Variants in MRTFA observed in about 807,000 individuals in gnomAD.
MRTFA encodes the protein myocardin-related transcription factor A.
A neutral mutation model predicts 83.5 loss-of-function variants in MRTFA; 20 were observed. That is an observed-to-expected ratio of 0.24 (90% CI 0.17 to 0.35). The LOEUF (loss-of-function observed/expected upper bound fraction) is 0.35. Among genes scored for constraint, MRTFA ranks in the 10% least tolerant of loss-of-function variants. The pLI is 1.00. For synonymous variants in MRTFA, 659 were observed against 541.2 expected (o/e 1.22, Z -3.02); for missense variants, 1,200 against 1,224.7 (o/e 0.98, Z 0.30).
intron 4 of MRTFA, among the ~76,000 whole-genome samples, chr22:40,459,830 C>CATATATATACATATAT (rs2053673463): frequency 8.1e-5 from 7 of 86,944 alleles, no homozygotes; most frequent in African/African-American, 3.4e-4. Context: ...CACATATATA[C>CATATATATACATATAT]ATATATATAT....
chr22:40,445,996 G>A (rs560376070), intron 4 of MRTFA, among the ~76,000 whole-genome samples: 24 of 152,250 alleles, frequency 1.6e-4, no homozygotes, highest in African/African-American at 5.1e-4. Flanking sequence ...TTCTAAATTT[G>A]CTTCCTCATG....
chr22:40,424,652 C>T (rs1281647743), intron 7 of MRTFA, among the ~76,000 whole-genome samples: 1 of 152,220 alleles, frequency 6.6e-6, no homozygotes, highest in Non-Finnish European at 1.5e-5. Flanking sequence ...TAGCCTCTTG[C>T]TTGTAACTCT....
chr22:40,464,761 T>A (rs1297197195), intron 3 of MRTFA, among the ~76,000 whole-genome samples: 4 of 152,166 alleles, frequency 2.6e-5, no homozygotes, highest in African/African-American at 7.2e-5. Flanking sequence ...TCAAATTCAG[T>A]AGATCCAAAG....
intron 2 of MRTFA, among the ~76,000 whole-genome samples, chr22:40,553,366 C>CA (rs1229849708): frequency 6.6e-6 from 1 of 152,184 alleles, no homozygotes; most frequent in Non-Finnish European, 1.5e-5. Context: ...GCCTCGAAGG[C>CA]ATAGGAGGGA....
intron 7 of MRTFA, among the ~76,000 whole-genome samples, chr22:40,424,877 G>C (rs1237382852): frequency 6.6e-6 from 1 of 152,182 alleles, no homozygotes; most frequent in Non-Finnish European, 1.5e-5. Flanking sequence ...GAAGAGCCTG[G>C]GTAACAGCCC....
At chr22:40,437,709 G>A (rs752372933) in intron 4 of MRTFA, among the ~76,000 whole-genome samples, 13 of 148,934 alleles carry the variant, frequency 8.7e-5, no homozygotes, top group South Asian at 6.4e-4. Context: ...GTTGCAGTGC[G>A]CCAAGATAGT....
chr22:40,479,740 T>C (rs897652476), intron 3 of MRTFA, among the ~76,000 whole-genome samples: 13 of 152,146 alleles, frequency 8.5e-5, no homozygotes, highest in African/African-American at 3.1e-4. Flanking sequence ...AACCAGCAAA[T>C]ATATAATGCA....
intron 3 of MRTFA, among the ~76,000 whole-genome samples, chr22:40,536,302 C>T (rs1444574029): frequency 1.3e-5 from 2 of 151,980 alleles, no homozygotes; most frequent in African/African-American, 2.4e-5. Context: ...GACCCTGTCT[C>T]AATAAATAAA....
At position 40,431,486 on chromosome 22, in the gene MRTFA, G is replaced by T; in HGVS notation, c.364-6C>A. The T allele has an allele frequency of 6.2e-7, 1 of 1,613,574 alleles. No homozygotes were observed. The highest frequency in any genetic ancestry group is 8.5e-7 in the Non-Finnish European group (1 of 1,179,558). ...CGTTTGAGATAGTCCTCTGTCTACA[G>T]AAAAAACACACCAAGAAACTCTCAA... is the stretch of plus-strand genomic sequence containing the variant. On this transcript the variant is annotated splice_region_variant and splice_polypyrimidine_tract_variant and intron_variant, in intron 5 of 14. Coordinates refer to ENST00000355630, the MANE Select transcript of MRTFA (RefSeq NM_020831.6).
chr22:40,417,801 C>G (rs2052718741), intron 12 of MRTFA: 1 of 363,376 alleles, frequency 2.8e-6, no homozygotes, highest in African/African-American at 2.1e-5. Flanking sequence ...GGACCCCTGT[C>G]TCCTATCCTG....
intron 1 of MRTFA, among the ~76,000 whole-genome samples, chr22:40,615,965 G>A (rs1363734122): frequency 1.3e-5 from 2 of 152,094 alleles, no homozygotes; most frequent in African/African-American, 2.4e-5. Flanking sequence ...GATTACAGGC[G>A]TGAGCCACTG....
At chr22:40,587,405 T>C (rs2056047617) in intron 2 of MRTFA, 1 of 347,948 alleles carries the variant, frequency 2.9e-6, no homozygotes, top group South Asian at 2.3e-5. Context: ...TCCCTTGCGC[T>C]GGATACGATG....
intron 1 of MRTFA, among the ~76,000 whole-genome samples, chr22:40,603,095 A>G (rs2097715199): frequency 2.0e-5 from 3 of 152,204 alleles, no homozygotes; most frequent in Non-Finnish European, 2.9e-5. Flanking sequence ...TTTAACTTCC[A>G]GAATAAAACT....
At chr22:40,633,390 A>G (rs952641141) in intron 1 of MRTFA, among the ~76,000 whole-genome samples, 1 of 152,218 alleles carries the variant, frequency 6.6e-6, no homozygotes, top group Non-Finnish European at 1.5e-5. Flanking sequence ...AGCTTGCCAC[A>G]GTGTTTTCTC....
rs991129625 is a variant in MRTFA at position 40,586,920 on chromosome 22, G to A, written c.-22+7754C>T. ...TGCTGCTGGTGCTGCTGGTGCTGGT[G>A]CTGGTGCTGCTGCTGCTGCTGCCAC... is the stretch of plus-strand genomic sequence containing the variant. On this transcript the variant is annotated intron_variant, in intron 2 of 14. Transcript: ENST00000355630. The A allele has an allele frequency of 2.1e-5, 9 of 431,918 alleles. No individual in the cohort carries two copies. The East Asian group carries it at 2.2e-4, about 11-fold the overall frequency. The allele number at this position is 431,918 out of a possible 1,614,324, so 26.8% of individuals were successfully genotyped here.
At chr22:40,617,675 C>T (rs1339466207) in intron 1 of MRTFA, among the ~76,000 whole-genome samples, 1 of 143,304 alleles carries the variant, frequency 7.0e-6, no homozygotes, top group Non-Finnish European at 1.5e-5. Context: ...TGCAGTGAGC[C>T]GAGATCTCAC....
chr22:40,596,833 G>A (rs1028261361), intron 1 of MRTFA, among the ~76,000 whole-genome samples: 1 of 151,848 alleles, frequency 6.6e-6, no homozygotes, highest in Non-Finnish European at 1.5e-5. Flanking sequence ...AAAATAGCTC[G>A]GAGTGGTGGT....
rs116311144 is a variant in MRTFA at position 40,617,957 on chromosome 22, T to C, written c.-84+18521A>G. Among the ~76,000 whole-genome samples, 1,062 of 152,210 alleles carry C rather than the reference T, an allele frequency of 7.0e-3. 11 individuals are homozygous for C. Among genetic ancestry groups the C allele is most frequent in the African/African-American group, 0.025 (1,023 of 41,512 alleles). On this transcript the variant is annotated intron_variant, in intron 1 of 14. Coordinates refer to ENST00000355630, the MANE Select transcript of MRTFA (RefSeq NM_020831.6). ...GTCCCTGCCCTTGTACAGACGATCA[T>C]CTAGTGGGAAGAGACGGACAACAAA...
chr22:40,590,512 CA>C (rs2056104412), intron 2 of MRTFA, among the ~76,000 whole-genome samples: 1 of 150,642 alleles, frequency 6.6e-6, no homozygotes, highest in African/African-American at 2.4e-5. Context: ...ACTAAAAATA[CA>C]AAAATTAGTC....
Sources: allele counts gnomAD v4.1 joint callset (sites outside exome capture counted in the v4.1 genomes callset), GRCh38; gene constraint gnomAD v4.1.1; transcripts MANE v1.5; gene names NCBI Gene and HGNC (gene_info 2026-07-23, HGNC 2026-07-21).